KLF12: variants seen among roughly 807,000 people sequenced by gnomAD.
KLF12 encodes the protein KLF transcription factor 12.
A neutral mutation model predicts 37.8 loss-of-function variants in KLF12; 9 were observed. That is an observed-to-expected ratio of 0.24 (90% CI 0.14 to 0.42). The LOEUF (loss-of-function observed/expected upper bound fraction) is 0.42, where lower values mean the gene tolerates loss of function less well. Ranked by LOEUF, KLF12 falls within the 10% of genes least tolerant of loss-of-function variation. The pLI, the probability that KLF12 is intolerant of heterozygous loss-of-function variation, is 1.00. For missense variants in KLF12, 411 were observed against 516.0 expected, an observed-to-expected ratio of 0.80 and a Z score of 1.97; for synonymous variants, 208 against 202.1, an observed-to-expected ratio of 1.03 and a Z score of -0.25.
chr13:74,101,971 G>A (rs1420979695), intron 1 of KLF12, among the ~76,000 whole-genome samples: 1 of 152,094 alleles, frequency 6.6e-6, no homozygotes, highest in Non-Finnish European at 1.5e-5. Flanking sequence ...TGTAATCCCA[G>A]CACTTTGGGA....
At chr13:73,978,183 A>G (rs1386652299) in intron 2 of KLF12, among the ~76,000 whole-genome samples, 2 of 152,196 alleles carry the variant, frequency 1.3e-5, no homozygotes, top group Non-Finnish European at 2.9e-5. Context: ...GAATGAAAAG[A>G]TAAGTAACAG....
intron 5 of KLF12, among the ~76,000 whole-genome samples, chr13:73,773,346 A>G (rs141995466): frequency 1.7e-3 from 264 of 152,318 alleles, no homozygotes; most frequent in African/African-American, 5.8e-3. Flanking sequence ...TTCATGACTC[A>G]TTTCAGGCTC....
chr13:74,082,720 A>G (rs1237690255), intron 1 of KLF12, among the ~76,000 whole-genome samples: 1 of 152,178 alleles, frequency 6.6e-6, no homozygotes, highest in African/African-American at 2.4e-5. Context: ...GGTTGTCAGT[A>G]TAACTTTTAT....
chr13:74,233,227 G>A, the KLF12 span, among the ~76,000 whole-genome samples: 1 of 152,170 alleles, frequency 6.6e-6, no homozygotes, highest in African/African-American at 2.4e-5. Context: ...TAACTTTTTT[G>A]TTGTTGTCGG....
chr13:73,794,373 A>G (rs1325128564), intron 5 of KLF12, among the ~76,000 whole-genome samples: 1 of 152,208 alleles, frequency 6.6e-6, no homozygotes, highest in East Asian at 1.9e-4. Context: ...AGGTATGAGA[A>G]TCGCTTGAAC....
chr13:73,855,334 C>A (rs1885549858), intron 3 of KLF12, among the ~76,000 whole-genome samples: 1 of 152,084 alleles, frequency 6.6e-6, no homozygotes, highest in Admixed American at 6.5e-5. Context: ...AGTGAGAACA[C>A]GTGGTATTTG....
chr13:74,073,411 T>TGAG (rs1874389388), intron 1 of KLF12, among the ~76,000 whole-genome samples: 1 of 152,222 alleles, frequency 6.6e-6, no homozygotes, highest in Non-Finnish European at 1.5e-5. Context: ...AAGACTTTTT[T>TGAG]GAGGCATAGG....
chr13:74,295,342 C>G, the KLF12 span, among the ~76,000 whole-genome samples: 8 of 152,132 alleles, frequency 5.3e-5, no homozygotes, highest in Admixed American at 2.0e-4. Context: ...ATTCTCCAGC[C>G]CCACTGAACA....
the KLF12 span, among the ~76,000 whole-genome samples, chr13:74,276,748 T>A: frequency 1.3e-5 from 2 of 152,202 alleles, no homozygotes; most frequent in Non-Finnish European, 2.9e-5. Context: ...GCCAAACCCA[T>A]CTGTCAGGCT....
intron 5 of KLF12, among the ~76,000 whole-genome samples, chr13:73,805,549 G>A (rs1882519784): frequency 6.8e-6 from 1 of 147,056 alleles, no homozygotes; most frequent in East Asian, 2.0e-4. Context: ...CCAAGAGGTT[G>A]CAGTGATCTG....
chr13:73,733,993 T>C (rs7328717), intron 6 of KLF12, among the ~76,000 whole-genome samples: 114,181 of 152,096 alleles, frequency 0.75, 43,034 homozygotes, highest in Middle Eastern at 0.9. Flanking sequence ...AACCCTGAGA[T>C]CTCTTCATTC....
At chr13:73,868,025 CAAAAAAAAA>C (rs1296082268) in intron 3 of KLF12, among the ~76,000 whole-genome samples, 2 of 120,062 alleles carry the variant, frequency 1.7e-5, no homozygotes, top group African/African-American at 6.2e-5. Flanking sequence ...AACTCCTTCT[CAAAAAAAAA>C]AAGAAAAAAA....
rs1260415375 is a variant in KLF12 at position 73,686,194 on chromosome 13, A to G, written c.*9296T>C. The G allele has an allele frequency of 6.6e-6, 1 of 152,628 alleles. No individual in the cohort carries two copies. Among genetic ancestry groups the G allele is most frequent in the African/African-American group, 2.4e-5 (1 of 41,448 alleles). 9.5% of individuals were successfully genotyped at this position (152,628 alleles called of 1,614,324 possible). ...AAACTCTATTTCAGTTCACAGCTCA[A>G]TTCATAGGAAAGTTGAATACAGAAA... is the stretch of plus-strand genomic sequence containing the variant. On this transcript the variant is annotated 3_prime_UTR_variant, in exon 8 of 8. Transcript: ENST00000377669.
chr13:74,153,945 C>T, the KLF12 span, among the ~76,000 whole-genome samples: 1 of 151,950 alleles, frequency 6.6e-6, no homozygotes, highest in Non-Finnish European at 1.5e-5. Flanking sequence ...ACTATTTATT[C>T]GGACGGGTGT....
Position 73,695,227 on chromosome 13 carries a change from G to T in KLF12, c.*263C>A. On this transcript the variant is annotated 3_prime_UTR_variant, in exon 8 of 8. Transcript: ENST00000377669. ...CTACAAACATCTTTAAATGGCAGAGGACACAGCACGGAAAACAATGCCTGT... is the reference window on the plus strand; with the variant it reads ...CTACAAACATCTTTAAATGGCAGAGTACACAGCACGGAAAACAATGCCTGT... 2 of 433,366 alleles carry T rather than the reference G, an allele frequency of 4.6e-6. No individual in the cohort carries two copies. Among genetic ancestry groups the T allele is most frequent in the South Asian group, 4.4e-5 (1 of 22,716 alleles). 26.8% of individuals were successfully genotyped at this position (433,366 alleles called of 1,614,324 possible). A position where few individuals can be genotyped will look rare whatever the true frequency, so the allele number is the denominator to read the frequency against.
chr13:74,000,971 A>G (rs1379975634), intron 1 of KLF12, among the ~76,000 whole-genome samples: 1 of 152,248 alleles, frequency 6.6e-6, no homozygotes, highest in East Asian at 1.9e-4. Context: ...ACTGCAAAGG[A>G]TTGACAAGAT....
At chr13:74,176,223 T>C in the KLF12 span, among the ~76,000 whole-genome samples, 1 of 152,332 alleles carries the variant, frequency 6.6e-6, no homozygotes, top group African/African-American at 2.4e-5. Flanking sequence ...TCCCCAGTGC[T>C]AGTTCCAAAA....
the KLF12 span, among the ~76,000 whole-genome samples, chr13:74,182,092 G>A: frequency 1.3e-4 from 20 of 152,330 alleles, no homozygotes; most frequent in East Asian, 3.1e-3. Context: ...AAGTGTGGGA[G>A]GGTATAAATG....
chr13:73,892,339 G>C (rs1157484099), intron 3 of KLF12, among the ~76,000 whole-genome samples: 1 of 152,016 alleles, frequency 6.6e-6, no homozygotes, highest in East Asian at 1.9e-4. Flanking sequence ...TAGAGCAGTA[G>C]AACAGCATTA....
Sources: gnomAD v4.1 joint callset for allele counts (sites outside exome capture counted in the v4.1 genomes callset) on GRCh38, gnomAD v4.1.1 for gene constraint, MANE v1.5 for transcripts, NCBI Gene and HGNC (gene_info 2026-07-23, HGNC 2026-07-21) for gene names.